C19orf47: variants seen among roughly 807,000 people sequenced by gnomAD.
C19orf47 encodes the protein chromosome 19 open reading frame 47.
In C19orf47, 18 loss-of-function variants were observed where a neutral mutation model predicts 32.3. That is an observed-to-expected ratio of 0.56 (90% CI 0.39 to 0.83). The LOEUF is 0.83. C19orf47 is among the 40% of genes least tolerant of loss of function. The pLI, the probability that C19orf47 is intolerant of heterozygous loss-of-function variation, is 0.00. For missense variants in C19orf47, 484 were observed against 531.6 expected, an observed-to-expected ratio of 0.91 and a Z score of 0.88; for synonymous variants, 202 against 211.1, an observed-to-expected ratio of 0.96 and a Z score of 0.37.
the C19orf47 span, among the ~76,000 whole-genome samples, chr19:40,306,670 T>C: frequency 6.6e-6 from 1 of 152,194 alleles, no homozygotes; most frequent in Admixed American, 6.5e-5. Flanking sequence ...CCCAAAGTGC[T>C]GGGATTACAG....
At chr19:40,325,124 G>A (rs919942831) in intron 7 of C19orf47, among the ~76,000 whole-genome samples, 1 of 151,796 alleles carries the variant, frequency 6.6e-6, no homozygotes, top group Non-Finnish European at 1.5e-5. Flanking sequence ...ATAAAAATTA[G>A]CTGGGCACGG....
At chr19:40,342,004 C>A (rs965313292) in intron 1 of C19orf47, 114 bp from the exon 2 acceptor site, 9 of 1,511,678 alleles carry the variant, frequency 6.0e-6, no homozygotes, top group South Asian at 2.5e-5. Flanking sequence ...TAGGGGCTCA[C>A]CGCCCAGGAA....
chr19:40,303,092 G>T, the C19orf47 span, among the ~76,000 whole-genome samples: 981 of 152,208 alleles, frequency 6.4e-3, 4 homozygotes, highest in Middle Eastern at 0.01. Context: ...GCCGGGCGGG[G>T]TGGCGGGTGC....
In C19orf47 at chr19:40,324,057, C is replaced by A. The variant is rs1254258343; in HGVS notation, c.612G>T (p.Val204=). The A allele has an allele frequency of 6.2e-7, 1 of 1,614,240 alleles. No homozygotes were observed. The highest frequency in any genetic ancestry group is 8.5e-7 in the Non-Finnish European group (1 of 1,180,030). Residue 204 remains valine, a synonymous_variant, in exon 8 of 9, where the codon GTG becomes GTT. Coordinates refer to ENST00000683109, the MANE Select transcript of C19orf47 (RefSeq NM_001256441.2). ...QAAKGLHRTS[V]FDRLGAETKA... ...TGGTCTCGGCGCCGAGGCGGTCAAA[C>A]ACAGACGTCCTATGGAGACCTGGGA...
At chr19:40,296,888 T>C in the C19orf47 span, among the ~76,000 whole-genome samples, 1 of 151,718 alleles carries the variant, frequency 6.6e-6, no homozygotes, top group African/African-American at 2.4e-5. Flanking sequence ...TACTCCAGCC[T>C]GGGCAACAGA....
chr19:40,300,388 C>T, the C19orf47 span, among the ~76,000 whole-genome samples: 1 of 151,948 alleles, frequency 6.6e-6, no homozygotes, highest in Non-Finnish European at 1.5e-5. Flanking sequence ...TTGCTTGAAC[C>T]CAGGAGGCGG....
intron 2 of C19orf47, among the ~76,000 whole-genome samples, chr19:40,338,589 T>C (rs1179526331): frequency 6.6e-6 from 1 of 152,090 alleles, no homozygotes; most frequent in African/African-American, 2.4e-5. Flanking sequence ...TTCACCATGT[T>C]GGTCAGGCTG....
chr19:40,323,285 C>T (rs1473563589), intron 8 of C19orf47, among the ~76,000 whole-genome samples: 1 of 152,252 alleles, frequency 6.6e-6, no homozygotes, highest in Non-Finnish European at 1.5e-5. Context: ...CACCCCAGCA[C>T]CATGCGGGGA....
Position 40,326,316 on chromosome 19 carries a change from C to G in C19orf47, c.592+18G>C. 1 of 1,613,740 alleles carries G rather than the reference C, an allele frequency of 6.2e-7. No individual in the cohort carries two copies. On this transcript the variant is annotated intron_variant, in intron 7 of 8. Coordinates refer to ENST00000683109, the MANE Select transcript of C19orf47 (RefSeq NM_001256441.2). ...GACATGGACCCCGCAGGGAAGCATG[C>G]CCCTGATGGGCCAGTACCTTTTGCA...
At chr19:40,312,641 G>A in the C19orf47 span, among the ~76,000 whole-genome samples, 1 of 152,170 alleles carries the variant, frequency 6.6e-6, no homozygotes, top group East Asian at 1.9e-4. Flanking sequence ...ACAGGCCACA[G>A]GAAGAAGTCA....
intron 7 of C19orf47, among the ~76,000 whole-genome samples, chr19:40,325,019 C>T (rs1376707577): frequency 4.0e-5 from 6 of 151,134 alleles, no homozygotes; most frequent in African/African-American, 1.5e-4. Context: ...CCTGTAATCC[C>T]AGCACTTTGA....
chr19:40,301,527 A>C, the C19orf47 span, among the ~76,000 whole-genome samples: 1 of 151,346 alleles, frequency 6.6e-6, no homozygotes. Flanking sequence ...TTTTTGGTAG[A>C]GACGAGGTTT....
At chr19:40,334,991 A>C (rs942012746) in intron 4 of C19orf47, 4 of 126,336 alleles carry the variant, frequency 3.2e-5, no homozygotes, top group South Asian at 3.1e-4. Flanking sequence ...GAAGGAAGGG[A>C]GAAAGGGAAG....
At chr19:40,308,682 T>A in the C19orf47 span, among the ~76,000 whole-genome samples, 1 of 151,254 alleles carries the variant, frequency 6.6e-6, no homozygotes, top group African/African-American at 2.4e-5. Flanking sequence ...CAGGCTGGTC[T>A]CAAACTCCTC....
chr19:40,319,222 A>G (rs963311097), downstream of C19orf47, among the ~76,000 whole-genome samples: 1 of 152,008 alleles, frequency 6.6e-6, no homozygotes, highest in Non-Finnish European at 1.5e-5. Flanking sequence ...GTGAGCCAAG[A>G]TCATGACATT....
At chr19:40,312,006 C>A in the C19orf47 span, among the ~76,000 whole-genome samples, 1 of 152,146 alleles carries the variant, frequency 6.6e-6, no homozygotes, top group Non-Finnish European at 1.5e-5. Context: ...TTGATATGTG[C>A]AACATTAGTT....
At chr19:40,301,531 G>A in the C19orf47 span, among the ~76,000 whole-genome samples, 4 of 151,340 alleles carry the variant, frequency 2.6e-5, no homozygotes, top group South Asian at 4.2e-4. Context: ...TGGTAGAGAC[G>A]AGGTTTCGCC....
intron 8 of C19orf47, among the ~76,000 whole-genome samples, chr19:40,323,322 G>C (rs572348146): frequency 1.3e-5 from 2 of 152,372 alleles, no homozygotes; most frequent in East Asian, 3.9e-4. Context: ...GCCATCCTTG[G>C]AGGTGGGTCT....
chr19:40,302,905 C>G, the C19orf47 span, among the ~76,000 whole-genome samples: 2 of 152,146 alleles, frequency 1.3e-5, no homozygotes, highest in African/African-American at 2.4e-5. Flanking sequence ...AGATAAATCA[C>G]CACAAACACT....
Sources: allele counts gnomAD v4.1 joint callset (sites outside exome capture counted in the v4.1 genomes callset), GRCh38; gene constraint gnomAD v4.1.1; transcripts MANE v1.5; gene names NCBI Gene and HGNC (gene_info 2026-07-23, HGNC 2026-07-21).